PREX2: variants seen among roughly 807,000 people sequenced by gnomAD.
The protein encoded by PREX2 is phosphatidylinositol-3,4,5-trisphosphate dependent Rac exchange factor 2, also known as phosphatidylinositol 3,4,5-trisphosphate-dependent Rac exchanger 2 protein.
PREX2 carries 107 observed loss-of-function variants against 203.2 expected under a neutral mutation model. The ratio of observed to expected loss-of-function variants is 0.53; its 90% CI spans 0.45 to 0.62. The LOEUF is 0.62. Ranked by LOEUF, PREX2 falls within the 20% of genes least tolerant of loss-of-function variation. The pLI, the probability that PREX2 is intolerant of heterozygous loss-of-function variation, is 0.00. For synonymous variants in PREX2, 672 were observed against 663.6 expected, an observed-to-expected ratio of 1.01 and a Z score of -0.19; for missense variants, 1,777 against 1,955.9, an observed-to-expected ratio of 0.91 and a Z score of 1.72.
intron 1 of PREX2, among the ~76,000 whole-genome samples, chr8:67,985,002 GT>G (rs1223227787): frequency 0.016 from 2,336 of 144,976 alleles, 30 homozygotes; most frequent in Non-Finnish European, 0.025. Flanking sequence ...AAGTACACAA[GT>G]TTTTTTTTTT....
chr8:68,228,111 C>T (rs925578024), intron 39 of PREX2, among the ~76,000 whole-genome samples: 1 of 152,072 alleles, frequency 6.6e-6, no homozygotes, highest in African/African-American at 2.4e-5. Context: ...AAGGACCTTC[C>T]CCCTCCCAGT....
chr8:67,956,039 G>A (rs571383982), intron 1 of PREX2, among the ~76,000 whole-genome samples: 1 of 152,178 alleles, frequency 6.6e-6, no homozygotes, highest in Non-Finnish European at 1.5e-5. Context: ...ATCATGGATA[G>A]GTTACACTAT....
At chr8:68,072,441 C>T in intron 13 of PREX2, 54 bp from the exon 14 acceptor site, 3 of 935,648 alleles carry the variant, frequency 3.2e-6, no homozygotes, top group African/African-American at 1.7e-5. Flanking sequence ...GCTTACCTAC[C>T]CTCTTGCTTA....
chr8:68,131,165 G>T (rs565122785), intron 31 of PREX2, among the ~76,000 whole-genome samples: 1 of 152,302 alleles, frequency 6.6e-6, no homozygotes, highest in Non-Finnish European at 1.5e-5. Context: ...GAACATTGTT[G>T]CTGTAGTGTG....
chr8:68,018,696 A>G (rs1807479471), intron 2 of PREX2, among the ~76,000 whole-genome samples: 1 of 152,162 alleles, frequency 6.6e-6, no homozygotes, highest in African/African-American at 2.4e-5. Context: ...TTTCTTTTAA[A>G]CTGAAAGGAA....
At position 68,003,283 on chromosome 8, in the gene PREX2, TG is replaced by T. The variant is rs1301782316; in HGVS notation, c.142-14560del. Among the ~76,000 whole-genome samples the T allele has an allele frequency of 2.6e-5, 4 of 152,256 alleles. No individual in the cohort carries two copies. In the East Asian group the frequency reaches 7.8e-4, roughly 30 times the overall value. Reference sequence around the variant, plus strand: ...CTCCCACCTCAGCCTCCTGAGTGGCTGGGATTATAGGTGAATGCTGCTGAGC... The same window carrying T: ...CTCCCACCTCAGCCTCCTGAGTGGCTGGATTATAGGTGAATGCTGCTGAGC... On this transcript the variant is annotated intron_variant, in intron 1 of 39. Coordinates refer to ENST00000288368, the MANE Select transcript of PREX2 (RefSeq NM_024870.4).
intron 35 of PREX2, among the ~76,000 whole-genome samples, 175 bp downstream of exon 35, chr8:68,157,611 A>T (rs1355150530): frequency 6.6e-6 from 1 of 152,104 alleles, no homozygotes; most frequent in Admixed American, 6.6e-5. Flanking sequence ...ACTTTTTCCC[A>T]GTAAAAATAA....
At chr8:68,079,785 C>A (rs1809456943) in intron 15 of PREX2, among the ~76,000 whole-genome samples, 1 of 151,954 alleles carries the variant, frequency 6.6e-6, no homozygotes, top group South Asian at 2.1e-4. Flanking sequence ...TTCCAAGAAT[C>A]TTAGGGGATT....
intron 30 of PREX2, among the ~76,000 whole-genome samples, chr8:68,122,871 GGTT>G (rs1810807239): frequency 6.6e-6 from 1 of 152,036 alleles, no homozygotes; most frequent in Non-Finnish European, 1.5e-5. Flanking sequence ...CTGAGAGAGT[GGTT>G]GTTATGATTT....
intron 30 of PREX2, among the ~76,000 whole-genome samples, chr8:68,124,489 A>G (rs1810848282): frequency 6.6e-6 from 1 of 152,012 alleles, no homozygotes; most frequent in Admixed American, 6.6e-5. Flanking sequence ...GGCCTATCAG[A>G]AGGTGAAGGG....
chr8:68,067,108 G>GT (rs1809038263), intron 11 of PREX2, among the ~76,000 whole-genome samples: 1 of 152,052 alleles, frequency 6.6e-6, no homozygotes, highest in Admixed American at 6.6e-5. Context: ...GTACCATGCT[G>GT]TTTTTATCAG....
intron 37 of PREX2, among the ~76,000 whole-genome samples, chr8:68,193,219 A>G (rs1240875741): frequency 6.6e-6 from 1 of 152,234 alleles, no homozygotes; most frequent in East Asian, 1.9e-4. Flanking sequence ...ACAAGGAAAT[A>G]GAATCAAGTA....
At chr8:68,028,223 A>G (rs999127934) in intron 5 of PREX2, among the ~76,000 whole-genome samples, 2 of 148,090 alleles carry the variant, frequency 1.4e-5, no homozygotes, top group African/African-American at 2.5e-5. Context: ...TTCTGAATAC[A>G]TATATATATA....
intron 25 of PREX2, among the ~76,000 whole-genome samples, chr8:68,110,519 G>A (rs1204434495): frequency 2.0e-5 from 3 of 152,172 alleles, no homozygotes; most frequent in African/African-American, 4.8e-5. Context: ...GGCAGATTCT[G>A]AAAATAATAG....
At chr8:68,189,240 G>A (rs187480715) in intron 35 of PREX2, among the ~76,000 whole-genome samples, 207 of 152,258 alleles carry the variant, frequency 1.4e-3, no homozygotes, top group African/African-American at 4.7e-3. Context: ...TGAATTGTTG[G>A]ACATAGCAAT....
intron 18 of PREX2, among the ~76,000 whole-genome samples, chr8:68,084,272 A>G (rs1201141158): frequency 6.6e-6 from 1 of 152,136 alleles, no homozygotes; most frequent in Non-Finnish European, 1.5e-5. Flanking sequence ...TACTTGTATC[A>G]TTTGTCAATC....
chr8:68,215,966 G>A (rs538001114), intron 37 of PREX2, among the ~76,000 whole-genome samples: 13 of 152,298 alleles, frequency 8.5e-5, no homozygotes, highest in African/African-American at 2.6e-4. Flanking sequence ...CTAAAAGTTT[G>A]TGAACATCAT....
chr8:68,216,848 G>C (rs1367601969), intron 37 of PREX2, among the ~76,000 whole-genome samples: 1 of 151,876 alleles, frequency 6.6e-6, no homozygotes, highest in Non-Finnish European at 1.5e-5. Context: ...CCCAGCTACT[G>C]CTACTTGGGA....
At chr8:68,217,591 G>A (rs200397979) in intron 37 of PREX2, 25 bp from the exon 38 acceptor site, 2 of 1,585,602 alleles carry the variant, frequency 1.3e-6, no homozygotes, top group African/African-American at 2.7e-5. Context: ...CATGGGGTCT[G>A]ACTTGCCCTT....
Sources: gnomAD v4.1 joint callset for allele counts (sites outside exome capture counted in the v4.1 genomes callset) on GRCh38, gnomAD v4.1.1 for gene constraint, MANE v1.5 for transcripts, NCBI Gene and HGNC (gene_info 2026-07-23, HGNC 2026-07-21) for gene names.